The following PAM variants were observed in gnomAD, a reference collection of about 807,000 sequenced individuals.
PAM encodes the protein peptidylglycine alpha-amidating monooxygenase, also known as peptidyl-glycine alpha-amidating monooxygenase.
A neutral mutation model predicts 122.1 loss-of-function variants in PAM; 72 were observed. The ratio of observed to expected loss-of-function variants is 0.59; its 90% CI spans 0.49 to 0.72. The LOEUF (loss-of-function observed/expected upper bound fraction) is 0.72. Ranked by LOEUF, PAM falls within the 30% of genes least tolerant of loss-of-function variation. PAM has a pLI of 0.00. For missense variants in PAM, 1,106 were observed against 1,183.7 expected (o/e 0.93, Z 0.96); for synonymous variants, 389 against 404.4 (o/e 0.96, Z 0.46).
At chr5:102,876,807 A>T (rs1204980917) in intron 3 of PAM, among the ~76,000 whole-genome samples, 2 of 152,218 alleles carry the variant, frequency 1.3e-5, no homozygotes. Flanking sequence ...TGGAAGGCAA[A>T]GGCTCTATTC....
At chr5:102,928,491 A>G (rs180688282) in intron 7 of PAM, among the ~76,000 whole-genome samples, 12 of 152,282 alleles carry the variant, frequency 7.9e-5, no homozygotes, top group Admixed American at 5.2e-4. Context: ...TAAAAGATAT[A>G]TGGGGTAGAA....
chr5:102,904,407 A>C (rs954941414), intron 4 of PAM, among the ~76,000 whole-genome samples: 1 of 151,518 alleles, frequency 6.6e-6, no homozygotes, highest in African/African-American at 2.4e-5. Context: ...CGACTCAATA[A>C]TTGCTTGCTG....
At chr5:102,805,851 T>C (rs1018923479) in intron 1 of PAM, among the ~76,000 whole-genome samples, 6 of 152,178 alleles carry the variant, frequency 3.9e-5, no homozygotes, top group African/African-American at 1.4e-4. Context: ...GAATGGAGGT[T>C]GGATAAATTA....
intron 7 of PAM, among the ~76,000 whole-genome samples, chr5:102,945,327 GA>G (rs1198996046): frequency 6.6e-6 from 1 of 151,896 alleles, no homozygotes; most frequent in Non-Finnish European, 1.5e-5. Context: ...GTGCAGGATT[GA>G]AAAATACAAA....
At chr5:102,818,347 C>G (rs1340664870) in intron 1 of PAM, among the ~76,000 whole-genome samples, 1 of 151,632 alleles carries the variant, frequency 6.6e-6, no homozygotes, top group Non-Finnish European at 1.5e-5. Context: ...AGAGAACACA[C>G]AGTTCCTTTC....
intron 1 of PAM, among the ~76,000 whole-genome samples, chr5:102,779,238 G>GTGTATATA (rs200108807): frequency 8.0e-5 from 12 of 149,206 alleles, no homozygotes; most frequent in East Asian, 3.9e-4. Context: ...ATATATATGT[G>GTGTATATA]TATATATATA....
chr5:102,930,725 T>C (rs1384163616), intron 7 of PAM, among the ~76,000 whole-genome samples: 5 of 152,168 alleles, frequency 3.3e-5, no homozygotes, highest in African/African-American at 1.2e-4. Context: ...CTTGAGTACA[T>C]GGAAAAGCTA....
chr5:102,920,508 A>T (rs538863112), intron 5 of PAM, among the ~76,000 whole-genome samples: 53 of 152,196 alleles, frequency 3.5e-4, no homozygotes, highest in South Asian at 1.5e-3. Flanking sequence ...GTATCATTCT[A>T]ATTACTATAT....
intron 3 of PAM, chr5:102,873,837 G>T (rs541227764): frequency 1.3e-5 from 2 of 152,142 alleles, no homozygotes; most frequent in Admixed American, 1.3e-4. Flanking sequence ...AATATGAGTC[G>T]TGGCTTTTAG....
At position 102,990,326 on chromosome 5, in the gene PAM, A is replaced by T; in HGVS notation, c.1538A>T (p.Gln513Leu). 2 of 1,609,490 alleles carry T rather than the reference A, an allele frequency of 1.2e-6. No homozygotes were observed. The highest frequency in any genetic ancestry group is 2.2e-5 in the South Asian group (2 of 90,526). The stretch of plus-strand genomic sequence containing the variant: ...CCTGGAGTATACTTGTTACCAGGCC[A>T]GGTTTCTGGGGTGGCTCTAGACCCT... ...DWPGVYLLPG[Q>L]VSGVALDPKN... Residue 513 changes from glutamine to leucine, a missense_variant, in exon 16 of 26, where the codon CAG (glutamine) becomes CTG (leucine). Physicochemically the swap from Gln to Leu is moderately radical, Grantham distance 113. Around this residue, in one of 3 missense-constraint regions of PAM, gnomAD observed 670 missense variants for 690.3 expected, o/e 0.97. Coordinates refer to ENST00000438793, the MANE Select transcript of PAM (RefSeq NM_001177306.2).
chr5:102,862,669 C>A (rs1784499990), intron 1 of PAM, among the ~76,000 whole-genome samples: 1 of 152,120 alleles, frequency 6.6e-6, no homozygotes, highest in Non-Finnish European at 1.5e-5. Context: ...TTTGTTGCAA[C>A]AACAATAATA....
chr5:102,852,356 A>C (rs1781536932), intron 1 of PAM, among the ~76,000 whole-genome samples: 1 of 152,186 alleles, frequency 6.6e-6, no homozygotes, highest in African/African-American at 2.4e-5. Flanking sequence ...AAAAGAATAA[A>C]TATGATCTCT....
intron 23 of PAM, among the ~76,000 whole-genome samples, chr5:103,022,010 A>T (rs1424665296): frequency 6.6e-6 from 1 of 152,080 alleles, no homozygotes; most frequent in African/African-American, 2.4e-5. Flanking sequence ...TGATAAAAAA[A>T]AACTGATGAA....
chr5:102,886,394 T>C (rs1793099856), intron 3 of PAM, among the ~76,000 whole-genome samples: 1 of 151,986 alleles, frequency 6.6e-6, no homozygotes, highest in Non-Finnish European at 1.5e-5. Flanking sequence ...TATAGTAATT[T>C]TGCGGAGTAT....
chr5:102,860,066 C>T (rs1247723672), intron 1 of PAM, among the ~76,000 whole-genome samples: 2 of 152,158 alleles, frequency 1.3e-5, no homozygotes, highest in African/African-American at 4.8e-5. Flanking sequence ...TATATGTATG[C>T]TGTTCTATAA....
intron 1 of PAM, among the ~76,000 whole-genome samples, chr5:102,783,059 C>T (rs1045140738): frequency 2.7e-5 from 4 of 150,060 alleles, no homozygotes; most frequent in African/African-American, 9.9e-5. Flanking sequence ...AGAAAAAAAA[C>T]TCAAATAAGA....
At chr5:102,778,597 T>C (rs1757797540) in intron 1 of PAM, among the ~76,000 whole-genome samples, 1 of 152,164 alleles carries the variant, frequency 6.6e-6, no homozygotes, top group African/African-American at 2.4e-5. Context: ...TTGTTTTCCT[T>C]CCAAAGCCTG....
intron 7 of PAM, among the ~76,000 whole-genome samples, chr5:102,940,601 G>C (rs542552658): frequency 2.9e-4 from 44 of 151,270 alleles, no homozygotes; most frequent in African/African-American, 1.1e-3. Context: ...CTAGAAGAAA[G>C]AGGAAATAAA....
chr5:102,779,918 TAC>T (rs1554059721), intron 1 of PAM, among the ~76,000 whole-genome samples: 10 of 95,686 alleles, frequency 1.0e-4, no homozygotes, highest in East Asian at 3.5e-4. Flanking sequence ...TATATATATA[TAC>T]ACACATATAT....
Sources: gnomAD v4.1 joint callset for allele counts (sites outside exome capture counted in the v4.1 genomes callset) on GRCh38, gnomAD v4.1.1 for gene constraint, gnomAD v4.1.1 regional missense constraint, MANE v1.5 for transcripts, NCBI Gene and HGNC (gene_info 2026-07-23, HGNC 2026-07-21) for gene names.